CDH12: variants seen among roughly 807,000 people sequenced by gnomAD.
CDH12 encodes the protein cadherin-12.
A neutral mutation model predicts 74.1 loss-of-function variants in CDH12; 41 were observed. The ratio of observed to expected loss-of-function variants is 0.55; its 90% confidence interval spans 0.43 to 0.72. CDH12 has a LOEUF of 0.72. CDH12 is among the 30% of genes least tolerant of loss of function. The probability of loss-of-function intolerance (pLI) is 0.00; values close to 1 mark genes in which losing one functional copy is unlikely to be tolerated. For missense variants in CDH12, 945 were observed against 977.2 expected (o/e 0.97, Z 0.44); for synonymous variants, 399 against 355.0 (o/e 1.12, Z -1.39).
chr5:22,765,415 G>A (rs2127062328), intron 1 of CDH12, among the ~76,000 whole-genome samples: 1 of 152,068 alleles, frequency 6.6e-6, no homozygotes, highest in African/African-American at 2.4e-5. Context: ...TGTTATTGGA[G>A]AGAGTCAATC....
intron 4 of CDH12, among the ~76,000 whole-genome samples, chr5:22,125,965 T>TA (rs1257084627): frequency 6.8e-6 from 1 of 146,776 alleles, no homozygotes; most frequent in African/African-American, 2.5e-5. Context: ...TCATTGTTTT[T>TA]TTTTTTTTAA....
chr5:22,009,939 CAAAAAAAA>C (rs774589642), intron 5 of CDH12, among the ~76,000 whole-genome samples: 5 of 54,346 alleles, frequency 9.2e-5, no homozygotes, highest in Admixed American at 4.3e-4. Context: ...GAAACTGTCT[CAAAAAAAA>C]AAAAAAAAAA....
chr5:21,829,941 G>A (rs1748908595), intron 8 of CDH12, among the ~76,000 whole-genome samples: 1 of 152,000 alleles, frequency 6.6e-6, no homozygotes, highest in Admixed American at 6.6e-5. Context: ...GCTCACACGT[G>A]TAATCCCAGC....
intron 1 of CDH12, among the ~76,000 whole-genome samples, chr5:22,814,184 A>G (rs1346676861): frequency 2.0e-5 from 3 of 152,194 alleles, no homozygotes; most frequent in African/African-American, 4.8e-5. Context: ...AGGTACATTA[A>G]ATATTATAAA....
chr5:22,737,719 T>C (rs1219492146), intron 1 of CDH12, among the ~76,000 whole-genome samples: 2 of 152,068 alleles, frequency 1.3e-5, no homozygotes, highest in Admixed American at 1.3e-4. Context: ...ATGGTCAAAA[T>C]GTAATAACTG....
At chr5:22,089,861 AT>A (rs1743310036) in intron 4 of CDH12, among the ~76,000 whole-genome samples, 1 of 150,574 alleles carries the variant, frequency 6.6e-6, no homozygotes, top group African/African-American at 2.5e-5. Flanking sequence ...TTTTAAAAAA[AT>A]GAGATTAATT....
intron 6 of CDH12, among the ~76,000 whole-genome samples, chr5:21,919,140 T>G (rs1282650250): frequency 6.6e-6 from 1 of 152,162 alleles, no homozygotes; most frequent in Non-Finnish European, 1.5e-5. Context: ...ATTTACAAAT[T>G]TTAAAAAATG....
intron 1 of CDH12, among the ~76,000 whole-genome samples, chr5:22,795,021 T>TTCATA (rs1748116352): frequency 6.6e-6 from 1 of 152,114 alleles, no homozygotes; most frequent in South Asian, 2.1e-4. Context: ...TGAAGGTAAT[T>TTCATA]TCATAAACTC....
intron 10 of CDH12, among the ~76,000 whole-genome samples, chr5:21,800,063 C>A (rs1414355551): frequency 6.6e-6 from 1 of 152,150 alleles, no homozygotes; most frequent in African/African-American, 2.4e-5. Context: ...GGACCTCTCA[C>A]CCCTCTCTTC....
chr5:22,046,766 T>C (rs1423458324), intron 5 of CDH12, among the ~76,000 whole-genome samples: 2 of 152,204 alleles, frequency 1.3e-5, no homozygotes, highest in Admixed American at 1.3e-4. Context: ...TTGTTCCTTA[T>C]GGTTCAGACT....
chr5:22,196,463 T>C (rs1429067010), intron 4 of CDH12, among the ~76,000 whole-genome samples: 4 of 152,050 alleles, frequency 2.6e-5, no homozygotes, highest in African/African-American at 9.7e-5. Flanking sequence ...CTTTTATTCA[T>C]TTTACAGAGA....
chr5:22,817,297 A>G (rs1431720630), intron 1 of CDH12, among the ~76,000 whole-genome samples: 1 of 152,092 alleles, frequency 6.6e-6, no homozygotes, highest in Non-Finnish European at 1.5e-5. Context: ...TATGTTTCTC[A>G]CATTATTTAC....
chr5:22,847,863 T>C (rs1338960325), intron 1 of CDH12, among the ~76,000 whole-genome samples: 2 of 151,668 alleles, frequency 1.3e-5, no homozygotes, highest in Non-Finnish European at 2.9e-5. Context: ...AGCCTCTTTC[T>C]TTTATTCTTT....
At chr5:22,157,797 A>G (rs1748114947) in intron 4 of CDH12, among the ~76,000 whole-genome samples, 1 of 152,102 alleles carries the variant, frequency 6.6e-6, no homozygotes, top group Admixed American at 6.6e-5. Context: ...ATTTAATTAT[A>G]ATTAAGTCTT....
intron 1 of CDH12, among the ~76,000 whole-genome samples, chr5:22,529,408 T>C (rs1393590992): frequency 2.0e-5 from 3 of 151,700 alleles, no homozygotes; most frequent in Admixed American, 2.0e-4. Context: ...TCTGACAGGC[T>C]CAAGATCCAG....
At chr5:22,557,257 T>A (rs1389596103) in intron 1 of CDH12, among the ~76,000 whole-genome samples, 1 of 152,060 alleles carries the variant, frequency 6.6e-6, no homozygotes, top group Non-Finnish European at 1.5e-5. Flanking sequence ...AGTAGGTGAT[T>A]TAAAAATACA....
intron 6 of CDH12, among the ~76,000 whole-genome samples, chr5:21,915,189 T>G (rs10472472): frequency 0.75 from 113,600 of 152,100 alleles, 44,778 homozygotes; most frequent in East Asian, 0.93. Flanking sequence ...TCCGATCTTA[T>G]TATTTTATAG....
At chr5:22,787,315 G>T (rs909107346) in intron 1 of CDH12, among the ~76,000 whole-genome samples, 1 of 151,792 alleles carries the variant, frequency 6.6e-6, no homozygotes, top group African/African-American at 2.4e-5. Flanking sequence ...TAAACTAAAG[G>T]CACACTTGTA....
intron 4 of CDH12, among the ~76,000 whole-genome samples, chr5:22,193,455 C>A (rs1750420380): frequency 1.3e-5 from 2 of 152,186 alleles, no homozygotes; most frequent in Admixed American, 6.5e-5. Flanking sequence ...TTGCTGGTTA[C>A]TTTCCTAGGC....
Sources: allele counts gnomAD v4.1 joint callset (sites outside exome capture counted in the v4.1 genomes callset), GRCh38; gene constraint gnomAD v4.1.1; transcripts MANE v1.5; gene names NCBI Gene and HGNC (gene_info 2026-07-23, HGNC 2026-07-21).